The following ANKS1B variants were observed in gnomAD, a reference collection of about 807,000 sequenced individuals.
ANKS1B encodes ankyrin repeat and sterile alpha motif domain-containing protein 1B.
Under a neutral mutation model 148.3 loss-of-function variants are expected in ANKS1B, and 36 were observed. The ratio of observed to expected loss-of-function variants is 0.24; its 90% CI spans 0.19 to 0.32. The LOEUF is 0.32. Among genes scored for constraint, ANKS1B ranks in the 10% least tolerant of loss-of-function variants. ANKS1B has a pLI of 1.00. For synonymous variants in ANKS1B, 542 were observed against 560.8 expected (o/e 0.97, Z 0.47); for missense variants, 1,157 against 1,542.6 (o/e 0.75, Z 4.19).
At chr12:98,934,910 C>T (rs1002564389) in intron 17 of ANKS1B, among the ~76,000 whole-genome samples, 9 of 151,620 alleles carry the variant, frequency 5.9e-5, no homozygotes, top group Non-Finnish European at 1.2e-4. Flanking sequence ...TATATAAGAT[C>T]ATGTCATCTG....
chr12:99,594,885 T>TA (rs67341844), intron 9 of ANKS1B, among the ~76,000 whole-genome samples: 22,723 of 151,244 alleles, frequency 0.15, 2,235 homozygotes, highest in African/African-American at 0.27. Flanking sequence ...CTTACTATAA[T>TA]AAAAAAAAAT....
At chr12:99,438,520 A>G (rs577735116) in intron 11 of ANKS1B, among the ~76,000 whole-genome samples, 1 of 151,926 alleles carries the variant, frequency 6.6e-6, no homozygotes, top group East Asian at 1.9e-4. Flanking sequence ...TCCTATCCTT[A>G]TTAGTAGCAT....
chr12:99,928,941 G>C (rs2094543442), intron 1 of ANKS1B, among the ~76,000 whole-genome samples: 2 of 152,148 alleles, frequency 1.3e-5, no homozygotes, highest in South Asian at 2.1e-4. Flanking sequence ...AAAGGAACTA[G>C]GGAGTGATAA....
intron 1 of ANKS1B, among the ~76,000 whole-genome samples, chr12:99,896,192 C>T (rs2153751965): frequency 6.6e-6 from 1 of 151,130 alleles, no homozygotes; most frequent in East Asian, 1.9e-4. Flanking sequence ...CTTACGTGTC[C>T]TACATAACTG....
At chr12:99,580,512 T>C (rs909493394) in intron 9 of ANKS1B, among the ~76,000 whole-genome samples, 11 of 152,058 alleles carry the variant, frequency 7.2e-5, no homozygotes, top group African/African-American at 2.4e-4. Flanking sequence ...GAAAGACAAA[T>C]ATTGCATGTA....
In ANKS1B at chr12:99,180,657, G is replaced by A. The variant is rs1397466024; in HGVS notation, c.2420-26262C>T. 9.6e-5 allele frequency among the ~76,000 whole-genome samples: 13 copies of A among 135,506 alleles called. 1 individual carries two copies. In the South Asian group the frequency reaches 2.1e-3, roughly 22 times the overall value. The allele number at this position is 135,506 out of a possible 152,430, so 88.9% of individuals were successfully genotyped here. On this transcript the variant is annotated intron_variant, in intron 14 of 26. Transcript: ENST00000683438. Reference sequence around the variant, plus strand: ...TTTTTTTTTTTTTTTTAATCTGAACGAAATTTCAAAAAAGGGAATGCTTCT... The same window carrying A: ...TTTTTTTTTTTTTTTTAATCTGAACAAAATTTCAAAAAAGGGAATGCTTCT...
chr12:99,975,292 C>T (rs543019560), intron 1 of ANKS1B, among the ~76,000 whole-genome samples: 36 of 152,226 alleles, frequency 2.4e-4, no homozygotes, highest in Admixed American at 3.9e-4. Flanking sequence ...AATGAAAATA[C>T]GAAAAGAGCT....
chr12:99,203,617 A>AT (rs1168944085), intron 14 of ANKS1B, among the ~76,000 whole-genome samples: 2 of 151,326 alleles, frequency 1.3e-5, no homozygotes, highest in African/African-American at 2.4e-5. Context: ...AGCCCGACAA[A>AT]TTTTTTTGTA....
In ANKS1B at chr12:98,944,517, G is replaced by T. The variant is rs2099842126; in HGVS notation, c.2778+108640C>A. Among the ~76,000 whole-genome samples the T allele has an allele frequency of 2.0e-5, 3 of 152,018 alleles. No individual in the cohort carries two copies. The South Asian group carries it at 6.2e-4, about 31-fold the overall frequency. On this transcript the variant is annotated intron_variant, in intron 17 of 26. Coordinates refer to ENST00000683438, the MANE Select transcript of ANKS1B (RefSeq NM_001352186.2). ...GGCATTCCTTTAGAGCAATGCAAAT[G>T]GAAGAACACAGGGGCAATTGCTCTG...
Position 98,745,668 on chromosome 12 carries a change from G to A in ANKS1B, c.*71C>T. Reference sequence around the variant, plus strand: ...TCCTCCTGGGCTGGGTGGACGCGGAGGCGCGAAGGAAAGCCTGCTCCGGGA... The same window carrying A: ...TCCTCCTGGGCTGGGTGGACGCGGAAGCGCGAAGGAAAGCCTGCTCCGGGA... On this transcript the variant is annotated 3_prime_UTR_variant, in exon 27 of 27. Transcript: ENST00000683438. The A allele has an allele frequency of 6.3e-7, 1 of 1,581,922 alleles. No individual in the cohort carries two copies. The highest frequency in any genetic ancestry group is 8.6e-7 in the Non-Finnish European group (1 of 1,163,734).
chr12:98,996,973 G>T (rs534887134), intron 17 of ANKS1B, among the ~76,000 whole-genome samples: 37 of 152,108 alleles, frequency 2.4e-4, no homozygotes, highest in African/African-American at 8.9e-4. Flanking sequence ...TTTCAGATGG[G>T]CTATGTTAGT....
chr12:99,072,939 T>C lies in ANKS1B; in HGVS notation c.2625+11986A>G, dbSNP rs139871637. On this transcript the variant is annotated intron_variant, in intron 16 of 26. Transcript: ENST00000683438. ...ATGCAGTAAGTGGTTTAAAAATATC[T>C]ATTGAATGAATAAATAAAAGGAGAT... 1.6e-4 allele frequency among the ~76,000 whole-genome samples: 24 copies of C among 152,324 alleles called. 1 individual carries two copies. The East Asian group carries it at 4.6e-3, about 29-fold the overall frequency.
At chr12:99,938,357 G>A (rs1284241557) in intron 1 of ANKS1B, among the ~76,000 whole-genome samples, 1 of 152,034 alleles carries the variant, frequency 6.6e-6, no homozygotes, top group Non-Finnish European at 1.5e-5. Context: ...CCCTAATTGA[G>A]CCCCAGTTGA....
intron 9 of ANKS1B, among the ~76,000 whole-genome samples, chr12:99,514,978 C>T (rs574800823): frequency 2.6e-5 from 4 of 150,950 alleles, no homozygotes; most frequent in African/African-American, 9.7e-5. Context: ...GTAGTTTTTG[C>T]TTTTTTCTTG....
chr12:99,290,529 T>C (rs1461080619), intron 12 of ANKS1B, among the ~76,000 whole-genome samples: 1 of 151,858 alleles, frequency 6.6e-6, no homozygotes, highest in East Asian at 1.9e-4. Context: ...CTCAACAAAA[T>C]AAGAGCAGTC....
At chr12:99,522,102 AG>A (rs2096881063) in intron 9 of ANKS1B, among the ~76,000 whole-genome samples, 1 of 152,144 alleles carries the variant, frequency 6.6e-6, no homozygotes, top group Non-Finnish European at 1.5e-5. Flanking sequence ...CACAATACAA[AG>A]TCCTTCCTAG....
rs141479086 is a variant in ANKS1B, at chr12:98,962,288, A to G, written c.2778+90869T>C. On this transcript the variant is annotated intron_variant, in intron 17 of 26. Coordinates refer to ENST00000683438, the MANE Select transcript of ANKS1B (RefSeq NM_001352186.2). The stretch of plus-strand genomic sequence containing the variant: ...AAAAAGAGCAAGAATAGCTATACAT[A>G]TATCAGACAAAATAGATTTCAAGAC... Among the ~76,000 whole-genome samples the G allele has an allele frequency of 5.6e-3, 852 of 151,792 alleles. 9 individuals are homozygous for G. The highest frequency in any genetic ancestry group is 0.02 in the African/African-American group (819 of 41,486).
At chr12:98,931,491 T>C (rs560896733) in intron 17 of ANKS1B, among the ~76,000 whole-genome samples, 9 of 152,210 alleles carry the variant, frequency 5.9e-5, no homozygotes, top group African/African-American at 1.4e-4. Context: ...AGGATTATAA[T>C]TGGGGATTCT....
At chr12:99,092,570 T>C (rs2054427127) in intron 15 of ANKS1B, among the ~76,000 whole-genome samples, 1 of 151,842 alleles carries the variant, frequency 6.6e-6, no homozygotes, top group African/African-American at 2.4e-5. Context: ...CGTTTCCCAG[T>C]GCCTCACAAG....
Sources: allele counts gnomAD v4.1 joint callset (sites outside exome capture counted in the v4.1 genomes callset), GRCh38; gene constraint gnomAD v4.1.1; transcripts MANE v1.5; gene names NCBI Gene and HGNC (gene_info 2026-07-23, HGNC 2026-07-21).